The following WNK1 variants were observed in gnomAD, a reference collection of about 807,000 sequenced individuals.
WNK1 encodes the protein serine/threonine-protein kinase WNK1.
WNK1 carries 38 observed loss-of-function variants against 222.8 expected under a neutral mutation model. That is an observed-to-expected ratio of 0.17 (90% CI 0.13 to 0.22). The LOEUF (loss-of-function observed/expected upper bound fraction) is 0.22, where lower values mean the gene tolerates loss of function less well. Among genes scored for constraint, WNK1 ranks in the 10% least tolerant of loss-of-function variants. The pLI is 1.00. For synonymous variants in WNK1, 1,090 were observed against 1,092.9 expected (o/e 1.00, Z 0.05); for missense variants, 2,348 against 2,918.4 (o/e 0.80, Z 4.50).
At chr12:860,948 GT>G in intron 6 of WNK1, 64 bp from the exon 7 acceptor site, 6 of 1,436,456 alleles carry the variant, frequency 4.2e-6, no homozygotes, top group South Asian at 2.4e-5. Context: ...TTGGCGGGGG[GT>G]GGTGGTGGGG....
At chr12:878,553 A>C (rs1952832056) in intron 10 of WNK1, among the ~76,000 whole-genome samples, 192 bp downstream of exon 10, 2 of 152,138 alleles carry the variant, frequency 1.3e-5, no homozygotes, top group South Asian at 4.1e-4. Flanking sequence ...CATATGCATT[A>C]TTTAATGTAA....
chr12:809,070 C>T (rs1248740117), intron 1 of WNK1, among the ~76,000 whole-genome samples: 1 of 151,786 alleles, frequency 6.6e-6, no homozygotes, highest in African/African-American at 2.4e-5. Context: ...GGCCTCCTAT[C>T]TCTCTTATAA....
At chr12:759,609 T>G (rs1940731528) in intron 1 of WNK1, among the ~76,000 whole-genome samples, 2 of 148,010 alleles carry the variant, frequency 1.4e-5, no homozygotes, top group African/African-American at 2.4e-5. Context: ...GATTACAGGC[T>G]TGAGCCACCA....
intron 8 of WNK1, among the ~76,000 whole-genome samples, chr12:863,061 A>G (rs1951339432): frequency 6.6e-6 from 1 of 152,172 alleles, no homozygotes; most frequent in Non-Finnish European, 1.5e-5. Context: ...AGAGGAAAAT[A>G]AAATACGTCA....
intron 8 of WNK1, among the ~76,000 whole-genome samples, chr12:862,584 G>A (rs949356013): frequency 1.3e-5 from 2 of 152,248 alleles, no homozygotes; most frequent in Non-Finnish European, 2.9e-5. Context: ...ATGTTTTGCG[G>A]GTGGGGCGAG....
chr12:816,583 C>T (rs74646102), intron 2 of WNK1, among the ~76,000 whole-genome samples: 1,997 of 152,224 alleles, frequency 0.013, 25 homozygotes, highest in Non-Finnish European at 0.021. Flanking sequence ...CCACGGTGCC[C>T]AGCCTGTTTG....
At chr12:873,674 G>A (rs1233195194) in intron 9 of WNK1, among the ~76,000 whole-genome samples, 1 of 152,050 alleles carries the variant, frequency 6.6e-6, no homozygotes, top group Non-Finnish European at 1.5e-5. Flanking sequence ...CTCAGAAGCT[G>A]TCTTTATTTG....
At chr12:851,419 G>T (rs1450037646) in intron 4 of WNK1, 1 of 1,112,592 alleles carries the variant, frequency 9.0e-7, no homozygotes, top group Non-Finnish European at 1.1e-6. Flanking sequence ...GCTTGTCTAG[G>T]ATCTATTACT....
intron 26 of WNK1, among the ~76,000 whole-genome samples, chr12:904,960 T>C (rs1202325662): frequency 1.3e-5 from 2 of 152,306 alleles, no homozygotes; most frequent in Admixed American, 6.5e-5. Context: ...TCTCATACTT[T>C]AATGAGAAGG....
At chr12:776,830 C>T (rs1472424723) in intron 1 of WNK1, among the ~76,000 whole-genome samples, 4 of 152,004 alleles carry the variant, frequency 2.6e-5, no homozygotes, top group African/African-American at 4.8e-5. Flanking sequence ...TCCAAGAAGA[C>T]AGTAAAAGAA....
At chr12:890,089 A>T (rs1430565009) in intron 21 of WNK1, among the ~76,000 whole-genome samples, 3 of 151,054 alleles carry the variant, frequency 2.0e-5, no homozygotes, top group African/African-American at 7.3e-5. Flanking sequence ...AGTAGCTGGG[A>T]TTACAGGTGC....
At chr12:871,396 C>T in intron 9 of WNK1, 48 bp downstream of exon 9, 2 of 1,578,820 alleles carry the variant, frequency 1.3e-6, no homozygotes, top group Non-Finnish European at 1.7e-6. Context: ...GTGGCCAGAA[C>T]ACTATTTTAA....
intron 4 of WNK1, among the ~76,000 whole-genome samples, chr12:837,222 T>G (rs1949253239): frequency 6.6e-6 from 1 of 152,186 alleles, no homozygotes; most frequent in African/African-American, 2.4e-5. Flanking sequence ...ACAACTGGAT[T>G]GGTTACAGCT....
At position 753,743 on chromosome 12, in the gene WNK1, A is replaced by T. The variant is rs751181069; in HGVS notation, c.178A>T (p.Thr60Ser). 6.2e-7 allele frequency: 1 copy of T among 1,612,292 alleles called. No individual in the cohort carries two copies. The highest frequency in any genetic ancestry group is 8.5e-7 in the Non-Finnish European group (1 of 1,179,874). Residue 60 changes from threonine to serine, a missense_variant, in exon 1 of 28, where the codon ACT becomes TCT. Around this residue, in one of 13 missense-constraint regions of WNK1, gnomAD observed 108 missense variants for 109.7 expected, o/e 0.98. Transcript: ENST00000315939. The surrounding 1 kb of genome is among the most constrained non-coding windows in gnomAD (Gnocchi z 5.2). ...CGAGGAGTACAGGCGCCGCCGCCACACTATGGACAAGGACAGCCGTGGGGC... is the reference window on the plus strand; with the variant it reads ...CGAGGAGTACAGGCGCCGCCGCCACTCTATGGACAAGGACAGCCGTGGGGC... ...RTEEYRRRRH[T>S]MDKDSRGAAA... is the part of the protein sequence containing the mutation.
intron 10 of WNK1, among the ~76,000 whole-genome samples, chr12:879,247 TAAAA>T (rs922805084): frequency 6.8e-6 from 1 of 147,584 alleles, no homozygotes; most frequent in African/African-American, 2.5e-5. Context: ...ATAAAGCTGT[TAAAA>T]AAAAAAGCCA....
intron 21 of WNK1, among the ~76,000 whole-genome samples, 156 bp downstream of exon 21, chr12:889,379 A>G (rs1390804304): frequency 6.6e-6 from 1 of 152,238 alleles, no homozygotes; most frequent in African/African-American, 2.4e-5. Context: ...TTAATGAAAG[A>G]TTCATGCTGA....
At chr12:867,714 C>A in intron 8 of WNK1, 1 of 865,488 alleles carries the variant, frequency 1.2e-6, no homozygotes, top group Non-Finnish European at 1.8e-6. Flanking sequence ...TTTTACTATG[C>A]ACATAATTTC....
intron 4 of WNK1, among the ~76,000 whole-genome samples, chr12:840,985 G>A (rs995213430): frequency 9.2e-5 from 14 of 152,182 alleles, no homozygotes; most frequent in African/African-American, 3.4e-4. Context: ...AGATGTCTTT[G>A]ATAGTAAGTT....
chr12:837,402 C>T (rs889770850), intron 4 of WNK1, among the ~76,000 whole-genome samples: 3 of 151,694 alleles, frequency 2.0e-5, no homozygotes, highest in South Asian at 2.1e-4. Flanking sequence ...GGTGAAACCC[C>T]GTCTCTACTA....
Sources: gnomAD v4.1 joint callset for allele counts (sites outside exome capture counted in the v4.1 genomes callset) on GRCh38, gnomAD v4.1.1 for gene constraint, gnomAD v4.1.1 regional missense constraint, Gnocchi (gnomAD v3.1) non-coding constraint, MANE v1.5 for transcripts, NCBI Gene and HGNC (gene_info 2026-07-23, HGNC 2026-07-21) for gene names.